Variants in GPC5 observed in about 807,000 individuals in gnomAD.
GPC5 encodes glypican-5.
Under a neutral mutation model 53.9 loss-of-function variants are expected in GPC5, and 47 were observed. That is an observed-to-expected ratio of 0.87 (90% confidence interval 0.69 to 1.11). The LOEUF (loss-of-function observed/expected upper bound fraction) is 1.11. Among genes scored for constraint, GPC5 ranks in the 50% most tolerant of loss-of-function variants. The pLI is 0.00. For synonymous variants in GPC5, 286 were observed against 263.3 expected, an observed-to-expected ratio of 1.09 and a Z score of -0.84; for missense variants, 748 against 713.1, an observed-to-expected ratio of 1.05 and a Z score of -0.56.
At chr13:92,407,371 G>T (rs1875838036) in intron 7 of GPC5, among the ~76,000 whole-genome samples, 1 of 152,076 alleles carries the variant, frequency 6.6e-6, no homozygotes, top group African/African-American at 2.4e-5. Context: ...ATAGCCCATT[G>T]GTAGCCTCGA....
At chr13:92,495,814 A>C (rs766281039) in intron 7 of GPC5, among the ~76,000 whole-genome samples, 1 of 151,836 alleles carries the variant, frequency 6.6e-6, no homozygotes, top group East Asian at 1.9e-4. Context: ...TTGAAAGTCT[A>C]TTTTTCAACC....
chr13:91,775,971 C>T (rs1039318858), intron 5 of GPC5, among the ~76,000 whole-genome samples: 2 of 152,198 alleles, frequency 1.3e-5, no homozygotes, highest in African/African-American at 2.4e-5. Flanking sequence ...TCAAGTGCAT[C>T]GTTGTGTCTG....
intron 7 of GPC5, among the ~76,000 whole-genome samples, chr13:92,287,036 C>T (rs920480737): frequency 3.9e-5 from 6 of 152,056 alleles, no homozygotes; most frequent in Non-Finnish European, 1.5e-5. Context: ...GACTTGTAGC[C>T]TCCAGATCTA....
intron 7 of GPC5, among the ~76,000 whole-genome samples, chr13:92,391,139 TCTC>T (rs933624030): frequency 6.6e-6 from 1 of 152,042 alleles, no homozygotes; most frequent in Non-Finnish European, 1.5e-5. Context: ...TTTAGAAAAA[TCTC>T]CTCATTAATA....
chr13:92,640,256 G>GTTGCT (rs1885548138), intron 7 of GPC5, among the ~76,000 whole-genome samples: 1 of 151,832 alleles, frequency 6.6e-6, no homozygotes, highest in Admixed American at 6.6e-5. Flanking sequence ...GTGCCCAGAT[G>GTTGCT]TTGTTTTGTT....
chr13:92,302,193 T>G (rs937859320), intron 7 of GPC5, among the ~76,000 whole-genome samples: 1 of 152,150 alleles, frequency 6.6e-6, no homozygotes, highest in Non-Finnish European at 1.5e-5. Flanking sequence ...TGATTCTGGT[T>G]TTTTGCACTT....
intron 6 of GPC5, among the ~76,000 whole-genome samples, chr13:92,053,307 C>T (rs1038608971): frequency 6.6e-6 from 1 of 152,142 alleles, no homozygotes; most frequent in Non-Finnish European, 1.5e-5. Flanking sequence ...CAGTTATCTC[C>T]CACCGACGTC....
intron 7 of GPC5, among the ~76,000 whole-genome samples, chr13:92,202,122 T>G (rs1426915403): frequency 6.6e-6 from 1 of 152,222 alleles, no homozygotes; most frequent in East Asian, 1.9e-4. Flanking sequence ...CTAGATGAAC[T>G]AAAGAATGTA....
intron 2 of GPC5, among the ~76,000 whole-genome samples, chr13:91,561,054 T>C (rs1031204770): frequency 3.9e-5 from 6 of 152,150 alleles, no homozygotes; most frequent in Non-Finnish European, 7.3e-5. Flanking sequence ...TTACTGTCTT[T>C]GAACTGTCAC....
chr13:91,604,486 T>C (rs2033291399), intron 2 of GPC5, among the ~76,000 whole-genome samples: 1 of 150,006 alleles, frequency 6.7e-6, no homozygotes, highest in Admixed American at 6.7e-5. Flanking sequence ...GATGGCTGGG[T>C]CAAATGGTTT....
At chr13:91,751,613 C>T (rs953756896) in intron 4 of GPC5, among the ~76,000 whole-genome samples, 1 of 152,110 alleles carries the variant, frequency 6.6e-6, no homozygotes. Context: ...TAAATTCTGC[C>T]TACATTTTTT....
chr13:92,049,210 T>G (rs2041007598), intron 6 of GPC5, among the ~76,000 whole-genome samples: 3 of 152,166 alleles, frequency 2.0e-5, no homozygotes, highest in Admixed American at 2.0e-4. Flanking sequence ...TGATCAAAAC[T>G]ATATACCTAA....
At chr13:92,697,004 T>C (rs1167061348) in intron 7 of GPC5, among the ~76,000 whole-genome samples, 1 of 152,108 alleles carries the variant, frequency 6.6e-6, no homozygotes, top group Admixed American at 6.5e-5. Context: ...GATCTGATGG[T>C]TGTAGATGTG....
intron 7 of GPC5, among the ~76,000 whole-genome samples, chr13:92,159,134 A>T (rs936021223): frequency 3.9e-5 from 6 of 152,288 alleles, no homozygotes; most frequent in Admixed American, 2.0e-4. Context: ...CGTAAACTAC[A>T]TTTCCCAACC....
chr13:91,692,209 A>G (rs766791239), intron 2 of GPC5, among the ~76,000 whole-genome samples: 1 of 152,254 alleles, frequency 6.6e-6, no homozygotes, highest in Non-Finnish European at 1.5e-5. Flanking sequence ...AGATAAGATG[A>G]TAAGAAAAAG....
intron 7 of GPC5, among the ~76,000 whole-genome samples, chr13:92,658,297 A>G (rs562553198): frequency 6.6e-6 from 1 of 152,336 alleles, no homozygotes; most frequent in South Asian, 2.1e-4. Context: ...TCTATATGGC[A>G]ATATTTATCA....
chr13:92,452,261 G>A (rs902294750), intron 7 of GPC5, among the ~76,000 whole-genome samples: 14 of 152,100 alleles, frequency 9.2e-5, no homozygotes, highest in African/African-American at 3.1e-4. Flanking sequence ...AGGTACAAAT[G>A]TAGAAATAAC....
At chr13:92,599,514 G>A (rs943829240) in intron 7 of GPC5, among the ~76,000 whole-genome samples, 1 of 152,190 alleles carries the variant, frequency 6.6e-6, no homozygotes, top group African/African-American at 2.4e-5. Flanking sequence ...CATACTAGAA[G>A]TTGATTCTGC....
intron 7 of GPC5, among the ~76,000 whole-genome samples, chr13:92,272,734 T>A (rs1416129536): frequency 2.0e-5 from 3 of 152,032 alleles, no homozygotes; most frequent in Non-Finnish European, 4.4e-5. Flanking sequence ...AAGTAATGGA[T>A]CCCAATACCA....
Sources: allele counts gnomAD v4.1 joint callset (sites outside exome capture counted in the v4.1 genomes callset), GRCh38; gene constraint gnomAD v4.1.1; transcripts MANE v1.5; gene names NCBI Gene and HGNC (gene_info 2026-07-23, HGNC 2026-07-21).